The following SLC16A12 variants were observed in gnomAD, a reference collection of about 807,000 sequenced individuals.
SLC16A12 encodes solute carrier family 16 member 12, also known as monocarboxylate transporter 12.
SLC16A12 carries 17 observed loss-of-function variants against 42.4 expected under a neutral mutation model. The ratio of observed to expected loss-of-function variants is 0.40; its 90% CI spans 0.27 to 0.60. The LOEUF (loss-of-function observed/expected upper bound fraction) is 0.60, where lower values mean the gene tolerates loss of function less well. SLC16A12 is among the 20% of genes least tolerant of loss of function. SLC16A12 has a pLI of 0.42. For synonymous variants in SLC16A12, 224 were observed against 229.4 expected, an observed-to-expected ratio of 0.98 and a Z score of 0.21; for missense variants, 544 against 623.0, an observed-to-expected ratio of 0.87 and a Z score of 1.35.
intron 2 of SLC16A12, among the ~76,000 whole-genome samples, chr10:89,500,846 C>A (rs1263783245): frequency 6.6e-6 from 1 of 152,102 alleles, no homozygotes; most frequent in African/African-American, 2.4e-5. Context: ...AAGAAGAAGT[C>A]AAACTGTCAC....
chr10:89,497,172 G>A (rs1842932062), intron 2 of SLC16A12, among the ~76,000 whole-genome samples: 1 of 152,146 alleles, frequency 6.6e-6, no homozygotes, highest in African/African-American at 2.4e-5. Context: ...GGATATGGGG[G>A]CAGACACAGA....
intron 3 of SLC16A12, among the ~76,000 whole-genome samples, chr10:89,449,760 A>C (rs1381224316): frequency 6.6e-6 from 1 of 152,110 alleles, no homozygotes; most frequent in Non-Finnish European, 1.5e-5. Flanking sequence ...TGACAAATGG[A>C]ATCTAATTAA....
rs752132403 is a variant in SLC16A12, at chr10:89,432,295, T to G, written c.*769A>C. 3 of 152,188 alleles carry G rather than the reference T, an allele frequency of 2.0e-5. No individual in the cohort carries two copies. The highest frequency in any genetic ancestry group is 7.2e-5 in the African/African-American group (3 of 41,438). The allele number at this position is 152,188 out of a possible 1,614,324, so 9.4% of individuals were successfully genotyped here. On this transcript the variant is annotated 3_prime_UTR_variant, in exon 8 of 8. Coordinates refer to ENST00000371790, the MANE Select transcript of SLC16A12 (RefSeq NM_213606.4). ...GTATTATATGTGATGGTAACAAATG[T>G]GAGAGCCTGGAACCCAGTCTTAGGA...
At chr10:89,487,964 G>GTATATATATATATA (rs147234370) in intron 2 of SLC16A12, among the ~76,000 whole-genome samples, 9 of 126,718 alleles carry the variant, frequency 7.1e-5, no homozygotes, top group East Asian at 5.2e-4. Context: ...TGGTGTGTGT[G>GTATATATATATATA]TATATATATA....
chr10:89,471,602 C>T (rs1239394194), intron 2 of SLC16A12, among the ~76,000 whole-genome samples: 1 of 152,082 alleles, frequency 6.6e-6, no homozygotes, highest in Non-Finnish European at 1.5e-5. Context: ...CATGAGTGTA[C>T]AAGTCTTTTT....
upstream of SLC16A12, among the ~76,000 whole-genome samples, chr10:89,537,508 A>C (rs1843686964): frequency 6.6e-6 from 1 of 152,254 alleles, no homozygotes; most frequent in African/African-American, 2.4e-5. Context: ...TGATTAGTGA[A>C]TAAATGTTCA....
At chr10:89,457,661 C>T (rs1370240923) in intron 3 of SLC16A12, among the ~76,000 whole-genome samples, 1 of 149,442 alleles carries the variant, frequency 6.7e-6, no homozygotes, top group African/African-American at 2.6e-5. Context: ...CAACCAGTTA[C>T]ATTTTTTTTT....
intron 2 of SLC16A12, among the ~76,000 whole-genome samples, chr10:89,548,560 T>C (rs1038527919): frequency 6.6e-6 from 1 of 151,994 alleles, no homozygotes; most frequent in Non-Finnish European, 1.5e-5. Context: ...CTCATGCCTG[T>C]AATCCCAGAC....
At chr10:89,458,674 G>A (rs1842240139) in intron 3 of SLC16A12, among the ~76,000 whole-genome samples, 1 of 152,134 alleles carries the variant, frequency 6.6e-6, no homozygotes, top group Admixed American at 6.5e-5. Flanking sequence ...TTCACATACT[G>A]AAGAGCTTTA....
rs143764690 is a variant in SLC16A12, at chr10:89,490,057, A to G, written c.-46-27433T>C. ...TAACAATTTCTGAAGGGTCAAAGAT[A>G]GATAACTATAGTGACTCAAGGTATG... On this transcript the variant is annotated intron_variant, in intron 2 of 7. Transcript: ENST00000371790. 9.6e-3 allele frequency among the ~76,000 whole-genome samples: 1,469 copies of G among 152,362 alleles called. 11 individuals carry two copies. The highest frequency in any genetic ancestry group is 0.024 in the Middle Eastern group (7 of 294).
rs2133698111 is a variant in SLC16A12 at position 89,443,764 on chromosome 10, A to G, written c.296T>C (p.Met99Thr). The change falls in exon 4 of 8, where the codon ATG becomes ACG. Residue 99 changes from methionine to threonine, a missense_variant. Coordinates refer to ENST00000371790, the MANE Select transcript of SLC16A12 (RefSeq NM_213606.4). ...WIHSIVDCVT[M>T]LCAPLGSVVS... The stretch of plus-strand genomic sequence containing the variant: ...TAGTAAGTAATACTCACCACAGAGC[A>G]TGGTCACACAATCTACAATGGAATG... 3 of 1,611,550 alleles carry G rather than the reference A, an allele frequency of 1.9e-6. No homozygotes were observed. The highest frequency in any genetic ancestry group is 2.5e-6 in the Non-Finnish European group (3 of 1,177,634).
intron 2 of SLC16A12, among the ~76,000 whole-genome samples, chr10:89,487,307 A>G (rs1842771497): frequency 6.6e-6 from 1 of 152,186 alleles, no homozygotes; most frequent in South Asian, 2.1e-4. Context: ...TCTCACACCT[A>G]TCAGAATGGC....
rs184484768 is a variant in SLC16A12 at position 89,458,181 on chromosome 10, G to A, written c.200+4198C>T. On this transcript the variant is annotated intron_variant, in intron 3 of 7. Transcript: ENST00000371790. ...ATAGTGCTGCCAAATCTAAGTAGCT[G>A]TTATGTAGAATCTCCTCCAGTATCA... 2.0e-5 allele frequency among the ~76,000 whole-genome samples: 3 copies of A among 152,322 alleles called. No homozygotes were observed. The East Asian group carries it at 5.8e-4, about 29-fold the overall frequency.
chr10:89,456,280 T>C (rs755336064), intron 3 of SLC16A12: 1 of 152,226 alleles, frequency 6.6e-6, no homozygotes, highest in Non-Finnish European at 1.5e-5. Flanking sequence ...GCAATTATTA[T>C]AAGAATTCAA....
chr10:89,493,845 T>A (rs566038524), intron 2 of SLC16A12, among the ~76,000 whole-genome samples: 39 of 152,268 alleles, frequency 2.6e-4, no homozygotes, highest in African/African-American at 8.4e-4. Flanking sequence ...TGAGTGTGTA[T>A]CATTAAGCAG....
chr10:89,435,918 T>G, intron 7 of SLC16A12, 142 bp downstream of exon 7: 1 of 1,190,428 alleles, frequency 8.4e-7, no homozygotes, highest in Non-Finnish European at 1.2e-6. Context: ...ATGATGGTTT[T>G]GGGGGCTCTT....
At chr10:89,527,055 T>G (rs1471942720) in intron 2 of SLC16A12, among the ~76,000 whole-genome samples, 1 of 152,224 alleles carries the variant, frequency 6.6e-6, no homozygotes, top group East Asian at 1.9e-4. Flanking sequence ...CCATTAAGAT[T>G]TTTATTCGTG....
intron 7 of SLC16A12, 144 bp from the exon 8 acceptor site, chr10:89,433,470 A>T: frequency 1.2e-6 from 1 of 816,700 alleles, no homozygotes; most frequent in Admixed American, 2.3e-5. Flanking sequence ...GTCACCTAAA[A>T]ATATTGTGCA....
At chr10:89,473,988 C>T (rs1842539872) in intron 2 of SLC16A12, among the ~76,000 whole-genome samples, 1 of 152,188 alleles carries the variant, frequency 6.6e-6, no homozygotes, top group Non-Finnish European at 1.5e-5. Flanking sequence ...ACCATACCCA[C>T]CTATCCTATA....
Sources: allele counts gnomAD v4.1 joint callset (sites outside exome capture counted in the v4.1 genomes callset), GRCh38; gene constraint gnomAD v4.1.1; transcripts MANE v1.5; gene names NCBI Gene and HGNC (gene_info 2026-07-23, HGNC 2026-07-21).